Variants in ANKRD12 observed in about 807,000 individuals in gnomAD.
ANKRD12 encodes ankyrin repeat domain 12, also known as ankyrin repeat domain-containing protein 12.
In ANKRD12, 85 loss-of-function variants were observed where a neutral mutation model predicts 183.4. That is an observed-to-expected ratio of 0.46 (90% CI 0.39 to 0.56). The LOEUF is 0.56. Among genes scored for constraint, ANKRD12 ranks in the 20% least tolerant of loss-of-function variants. ANKRD12 has a pLI of 0.00. For missense variants in ANKRD12, 2,405 were observed against 2,357.1 expected (o/e 1.02, Z -0.42); for synonymous variants, 914 against 800.2 (o/e 1.14, Z -2.40).
Position 9,255,232 on chromosome 18 carries a change from G to A in ANKRD12, c.1965G>A (p.Leu655=), listed in dbSNP as rs1158415578. The A allele has an allele frequency of 1.1e-5, 17 of 1,566,798 alleles. No homozygotes were observed. Among genetic ancestry groups the A allele is most frequent in the East Asian group, 4.5e-5 (2 of 44,016 alleles). Residue 655 remains leucine (L), a synonymous_variant, in exon 9 of 13, where the codon TTG becomes TTA. Transcript: ENST00000262126. ...KEGKTLKKHK[L]KHKEREKEKH... ...GTAAAACATTAAAAAAACATAAATT[G>A]AAGCATAAAGAGAGGGAAAAAGAAA...
At chr18:9,187,829 A>T (rs1030270901) in intron 2 of ANKRD12, among the ~76,000 whole-genome samples, 1 of 152,188 alleles carries the variant, frequency 6.6e-6, no homozygotes, top group African/African-American at 2.4e-5. Flanking sequence ...GAGAGAGGGG[A>T]TATTAATTAT....
At chr18:9,251,022 T>G (rs942198572) in intron 8 of ANKRD12, among the ~76,000 whole-genome samples, 3 of 152,210 alleles carry the variant, frequency 2.0e-5, no homozygotes, top group Non-Finnish European at 4.4e-5. Context: ...ATATTTAGTT[T>G]TGTATCATTA....
rs1197355461 is a variant in ANKRD12 at position 9,257,210 on chromosome 18, G to A, written c.3943G>A (p.Val1315Ile). The A allele has an allele frequency of 1.2e-6, 2 of 1,614,138 alleles. No individual in the cohort carries two copies. The highest frequency in any genetic ancestry group is 1.7e-6 in the Non-Finnish European group (2 of 1,180,000). The change falls in exon 9 of 13, where the codon GTC becomes ATC. Residue 1315 changes from valine (V) to isoleucine (I), a missense_variant. By Grantham distance (29) the Val-to-Ile change is conservative. Coordinates refer to ENST00000262126, the MANE Select transcript of ANKRD12 (RefSeq NM_015208.5). ...AGTTCGAAGATGTAGCATGCCTTCT[G>A]TCATTTGTGAACATACCAAACAATT... is the stretch of plus-strand genomic sequence containing the variant. The part of the protein sequence containing the change: ...IEVRRCSMPS[V>I]ICEHTKQFQT...
intron 8 of ANKRD12, chr18:9,250,100 T>C (rs960747740): frequency 3.3e-5 from 5 of 152,202 alleles, no homozygotes; most frequent in Non-Finnish European, 7.3e-5. Context: ...GCTTAATAAA[T>C]AGTGGTAGTG....
intron 10 of ANKRD12, among the ~76,000 whole-genome samples, chr18:9,272,002 A>G (rs1389189832): frequency 6.6e-6 from 1 of 152,188 alleles, no homozygotes; most frequent in Non-Finnish European, 1.5e-5. Context: ...CTAAATGAAC[A>G]AAGTTTACAG....
At chr18:9,262,804 TTTTTTTTTTTTTG>T (rs2039056229) in intron 9 of ANKRD12, among the ~76,000 whole-genome samples, 1 of 128,408 alleles carries the variant, frequency 7.8e-6, no homozygotes, top group African/African-American at 2.9e-5. Context: ...TTTTTTTTTT[TTTTTTTTTTTTTG>T]AGACAGAGTC....
chr18:9,207,346 C>G (rs956306434), intron 4 of ANKRD12, among the ~76,000 whole-genome samples: 7 of 151,978 alleles, frequency 4.6e-5, no homozygotes, highest in African/African-American at 1.7e-4. Flanking sequence ...TTAAATAAGT[C>G]TTGAAATTTT....
chr18:9,257,204 C>T lies in ANKRD12; in HGVS notation c.3937C>T (p.Pro1313Ser), dbSNP rs1567979377. 5 of 1,614,120 alleles carry T rather than the reference C, an allele frequency of 3.1e-6. No homozygotes were observed. Among genetic ancestry groups the T allele is most frequent in the Non-Finnish European group, 1.7e-6 (2 of 1,179,988 alleles). ...CATAGAAGTTCGAAGATGTAGCATG[C>T]CTTCTGTCATTTGTGAACATACCAA... is the stretch of plus-strand genomic sequence containing the variant. Reference protein sequence around the residue: ...PTIEVRRCSMPSVICEHTKQF... With the variant: ...PTIEVRRCSMSSVICEHTKQF... Residue 1313 changes from proline (P) to serine (S), a missense_variant, in exon 9 of 13, where the codon CCT becomes TCT. Around this residue, in one of 7 missense-constraint regions of ANKRD12, gnomAD observed 1,983 missense variants for 1,725.9 expected, o/e 1.15. Coordinates refer to ENST00000262126, the MANE Select transcript of ANKRD12 (RefSeq NM_015208.5).
Position 9,258,790 on chromosome 18 carries a change from C to T in ANKRD12, c.5523C>T (p.His1841=), listed in dbSNP as rs1366310949. ...CAAATCCATATTTTGAATACTTGCA[C>T]ATAAGGAAAAAAATAGAAGAAAAAC... ...ERANPYFEYL[H]IRKKIEEKRK... Residue 1841 remains histidine (H), a synonymous_variant, in exon 9 of 13, where the codon CAC becomes CAT. Coordinates refer to ENST00000262126, the MANE Select transcript of ANKRD12 (RefSeq NM_015208.5). 3.1e-6 allele frequency: 5 copies of T among 1,613,636 alleles called. No homozygotes were observed. The highest frequency in any genetic ancestry group is 4.2e-6 in the Non-Finnish European group (5 of 1,179,840).
chr18:9,157,077 TACTC>T (rs2030583275), intron 1 of ANKRD12, among the ~76,000 whole-genome samples: 1 of 152,206 alleles, frequency 6.6e-6, no homozygotes, highest in Admixed American at 6.5e-5. Context: ...GTGTGGATGT[TACTC>T]AGTGCCACAG....
intron 1 of ANKRD12, among the ~76,000 whole-genome samples, chr18:9,161,853 C>T (rs1357846628): frequency 6.6e-6 from 1 of 151,348 alleles, no homozygotes; most frequent in East Asian, 1.9e-4. Context: ...CATTTACCTA[C>T]ATTATTTATT....
At chr18:9,218,671 T>C (rs1358760130) in intron 7 of ANKRD12, among the ~76,000 whole-genome samples, 1 of 151,302 alleles carries the variant, frequency 6.6e-6, no homozygotes, top group African/African-American at 2.4e-5. Context: ...TTTTCTTTTT[T>C]TTTTTTTCTT....
chr18:9,205,194 T>C (rs777617026), intron 4 of ANKRD12, among the ~76,000 whole-genome samples: 10 of 152,174 alleles, frequency 6.6e-5, no homozygotes, highest in African/African-American at 9.7e-5. Flanking sequence ...GATATACAAG[T>C]ACTGTGTCCT....
At chr18:9,197,751 T>C (rs565091606) in intron 3 of ANKRD12, among the ~76,000 whole-genome samples, 5 of 152,358 alleles carry the variant, frequency 3.3e-5, no homozygotes, top group African/African-American at 1.2e-4. Context: ...TTCATCCTCA[T>C]TGTCTTCACA....
chr18:9,230,908 T>A (rs2144862091), intron 8 of ANKRD12, among the ~76,000 whole-genome samples: 1 of 152,274 alleles, frequency 6.6e-6, no homozygotes, highest in Middle Eastern at 3.4e-3. Flanking sequence ...CCTCAAGTGA[T>A]CTGCCCGCTT....
rs1429684866 is a variant in ANKRD12, at chr18:9,257,826, G to T, written c.4559G>T (p.Gly1520Val). 6.2e-7 allele frequency: 1 copy of T among 1,613,624 alleles called. No homozygotes were observed. The highest frequency in any genetic ancestry group is 1.1e-5 in the South Asian group (1 of 91,042). ...SLSYVANQEPGILQQKNAVQI... is the reference protein window; with the variant it reads ...SLSYVANQEPVILQQKNAVQI... ...TCATATGTTGCTAATCAAGAGCCAG[G>T]TATTTTACAACAAAAAAATGCAGTT... Residue 1520 changes from glycine (G) to valine (V), a missense_variant, in exon 9 of 13, where the codon GGT (glycine) becomes GTT (valine). Gly to Val is a moderately radical substitution (Grantham distance 109). Coordinates refer to ENST00000262126, the MANE Select transcript of ANKRD12 (RefSeq NM_015208.5).
intron 8 of ANKRD12, among the ~76,000 whole-genome samples, chr18:9,222,759 C>A (rs1478152627): frequency 6.6e-6 from 1 of 152,108 alleles, no homozygotes; most frequent in African/African-American, 2.4e-5. Flanking sequence ...AGTTTTGAGG[C>A]AGAAAGTTCT....
chr18:9,254,182 C>T, intron 8 of ANKRD12, 29 bp from the exon 9 acceptor site: 1 of 1,460,108 alleles, frequency 6.8e-7, no homozygotes, highest in Non-Finnish European at 9.0e-7. Context: ...TTGTTTGACC[C>T]ACACCACATT....
chr18:9,148,738 T>C (rs2078577564), intron 1 of ANKRD12, among the ~76,000 whole-genome samples: 1 of 152,332 alleles, frequency 6.6e-6, no homozygotes, highest in Admixed American at 6.5e-5. Flanking sequence ...GGTCTCCTTG[T>C]GTCTTAGGTA....
Sources: gnomAD v4.1 joint callset for allele counts (sites outside exome capture counted in the v4.1 genomes callset) on GRCh38, gnomAD v4.1.1 for gene constraint, gnomAD v4.1.1 regional missense constraint, MANE v1.5 for transcripts, NCBI Gene and HGNC (gene_info 2026-07-23, HGNC 2026-07-21) for gene names.